Variants in LVRN observed in about 807,000 individuals in gnomAD.
The protein encoded by LVRN is aminopeptidase Q.
LVRN carries 99 observed loss-of-function variants against 111.4 expected under a neutral mutation model. That is an observed-to-expected ratio of 0.89 (90% CI 0.76 to 1.05). The LOEUF (loss-of-function observed/expected upper bound fraction) is 1.05, where lower values mean the gene tolerates loss of function less well. Ranked by LOEUF, LVRN falls within the 50% of genes least tolerant of loss-of-function variation. LVRN has a pLI of 0.00. For synonymous variants in LVRN, 488 were observed against 449.5 expected (o/e 1.09, Z -1.08); for missense variants, 1,414 against 1,206.8 (o/e 1.17, Z -2.54).
intron 6 of LVRN, among the ~76,000 whole-genome samples, chr5:115,998,990 A>T (rs530151701): frequency 6.6e-6 from 1 of 152,208 alleles, no homozygotes; most frequent in Admixed American, 6.5e-5. Flanking sequence ...CAACTTGCAG[A>T]TCCCAAAGAT....
At chr5:116,001,330 C>G in intron 10 of LVRN, 91 bp downstream of exon 10, 3 of 1,418,316 alleles carry the variant, frequency 2.1e-6, no homozygotes, top group Non-Finnish European at 2.9e-6. Flanking sequence ...AAGCGTTACC[C>G]CCGCTGGGCA....
chr5:115,981,485 G>A (rs1338709770), intron 1 of LVRN, among the ~76,000 whole-genome samples: 1 of 151,924 alleles, frequency 6.6e-6, no homozygotes, highest in East Asian at 1.9e-4. Context: ...ATATGTGTGG[G>A]GGTACATGAG....
intron 3 of LVRN, among the ~76,000 whole-genome samples, chr5:115,986,884 T>C (rs540125803): frequency 6.6e-6 from 1 of 152,350 alleles, no homozygotes; most frequent in South Asian, 2.1e-4. Flanking sequence ...TTTTCTCTAA[T>C]GTTTTGCAGA....
At chr5:115,996,307 A>T (rs1450351505) in intron 6 of LVRN, among the ~76,000 whole-genome samples, 1 of 152,196 alleles carries the variant, frequency 6.6e-6, no homozygotes, top group African/African-American at 2.4e-5. Context: ...TGCCAAAAAC[A>T]TATTCCTCAT....
chr5:115,986,180 C>T (rs559125905), intron 3 of LVRN, among the ~76,000 whole-genome samples: 1 of 152,214 alleles, frequency 6.6e-6, no homozygotes, highest in Non-Finnish European at 1.5e-5. Context: ...TCTGATTTTC[C>T]TATTGAATAA....
At chr5:115,964,886 T>A (rs1274133887) in intron 1 of LVRN, among the ~76,000 whole-genome samples, 1 of 152,200 alleles carries the variant, frequency 6.6e-6, no homozygotes. Flanking sequence ...ACCCTTTGGG[T>A]CTCTGCTTCT....
In LVRN at chr5:116,014,408, T is replaced by G. The variant is rs1222118384; in HGVS notation, c.2343-12T>G. 2.5e-6 allele frequency: 4 copies of G among 1,601,548 alleles called. No homozygotes were observed. The highest frequency in any genetic ancestry group is 1.3e-5 in the African/African-American group (1 of 74,528). ...GCAAAATAAACTGTTTTTCTTTGAC[T>G]TTTTCTTCAAGAATATCACTGGAAA... On this transcript the variant is annotated splice_polypyrimidine_tract_variant and intron_variant, in intron 15 of 19. Transcript: ENST00000357872.
intron 10 of LVRN, among the ~76,000 whole-genome samples, 153 bp downstream of exon 10, chr5:116,001,392 TC>T (rs1464695732): frequency 1.3e-5 from 2 of 152,158 alleles, no homozygotes; most frequent in Non-Finnish European, 2.9e-5. Context: ...AGCCCTTGTG[TC>T]CGGGCAACGC....
chr5:115,965,225 G>A (rs1214787393), intron 1 of LVRN, among the ~76,000 whole-genome samples: 1 of 152,174 alleles, frequency 6.6e-6, no homozygotes, highest in East Asian at 1.9e-4. Flanking sequence ...TCTAAACGCA[G>A]AACCTGCCAA....
chr5:115,975,019 G>T, intron 1 of LVRN: 5 of 345,072 alleles, frequency 1.4e-5, no homozygotes, highest in Admixed American at 3.7e-5. Flanking sequence ...GAAAACTTTG[G>T]ATATAAATTC....
At chr5:116,006,974 A>C (rs1748388959) in intron 13 of LVRN, among the ~76,000 whole-genome samples, 1 of 152,174 alleles carries the variant, frequency 6.6e-6, no homozygotes, top group African/African-American at 2.4e-5. Context: ...GAAACCTCAG[A>C]GATATCCTTG....
chr5:116,003,706 G>C (rs1401584067), intron 12 of LVRN, among the ~76,000 whole-genome samples: 8 of 151,132 alleles, frequency 5.3e-5, no homozygotes, highest in Admixed American at 1.3e-4. Flanking sequence ...CTCAGCCTCC[G>C]GAGTAGCTGG....
chr5:115,987,944 G>T lies in LVRN; in HGVS notation c.1105+5G>T. 1 of 1,607,272 alleles carries T rather than the reference G, an allele frequency of 6.2e-7. No individual in the cohort carries two copies. The highest frequency in any genetic ancestry group is 8.5e-7 in the Non-Finnish European group (1 of 1,177,864). The stretch of plus-strand genomic sequence containing the variant: ...GTTACTCTCTTCCAAAAACAGGTGA[G>T]GTAATCTTTTCCTTTCAGTGCATTT... On this transcript the variant is annotated splice_donor_5th_base_variant and intron_variant, in intron 4 of 19. Coordinates refer to ENST00000357872, the MANE Select transcript of LVRN (RefSeq NM_173800.5).
At chr5:115,965,374 G>A (rs1753180684) in intron 1 of LVRN, among the ~76,000 whole-genome samples, 1 of 152,192 alleles carries the variant, frequency 6.6e-6, no homozygotes, top group Non-Finnish European at 1.5e-5. Context: ...TGACAACAAT[G>A]TGAATGTTCT....
intron 13 of LVRN, among the ~76,000 whole-genome samples, chr5:116,007,565 C>T (rs1483063432): frequency 6.6e-6 from 1 of 152,184 alleles, no homozygotes; most frequent in Non-Finnish European, 1.5e-5. Flanking sequence ...TTGTAGTATT[C>T]ACTGCCTTTG....
At chr5:115,976,068 C>G (rs1753442648) in intron 1 of LVRN, 1 of 152,936 alleles carries the variant, frequency 6.5e-6, no homozygotes. Context: ...CCAACTAAGT[C>G]GTTCTTCAAT....
In LVRN at chr5:116,020,796, A is replaced by G. The variant is rs1165958600; in HGVS notation, c.2757-1595A>G. Among the ~76,000 whole-genome samples the G allele has an allele frequency of 2.0e-5, 3 of 152,336 alleles. No homozygotes were observed. In the East Asian group the frequency reaches 5.8e-4, roughly 29 times the overall value. On this transcript the variant is annotated intron_variant, in intron 18 of 19. Coordinates refer to ENST00000357872, the MANE Select transcript of LVRN (RefSeq NM_173800.5). The stretch of plus-strand genomic sequence containing the variant: ...TGGCAGAGGACATGAAGGGAGGGGT[A>G]ATGTGAGAAGAAGGAGAGGCAGAAA...
At chr5:115,990,842 G>C (rs1265800082) in intron 4 of LVRN, among the ~76,000 whole-genome samples, 1 of 152,124 alleles carries the variant, frequency 6.6e-6, no homozygotes, top group African/African-American at 2.4e-5. Context: ...AAAGTGCTGA[G>C]ATTACGCGCA....
intron 1 of LVRN, among the ~76,000 whole-genome samples, chr5:115,964,458 G>T (rs1308582486): frequency 6.6e-6 from 1 of 152,082 alleles, no homozygotes; most frequent in Non-Finnish European, 1.5e-5. Flanking sequence ...ATACATCAAT[G>T]CTTGAAAAAA....
Sources: allele counts gnomAD v4.1 joint callset (sites outside exome capture counted in the v4.1 genomes callset), GRCh38; gene constraint gnomAD v4.1.1; transcripts MANE v1.5; gene names NCBI Gene and HGNC (gene_info 2026-07-23, HGNC 2026-07-21).